MAGEC3: variants seen among roughly 807,000 people sequenced by gnomAD.
MAGEC3 encodes melanoma-associated antigen C3.
Under a neutral mutation model 35.3 loss-of-function variants are expected in MAGEC3, and 34 were observed. That is an observed-to-expected ratio of 0.96 (90% CI 0.73 to 1.28). MAGEC3 has a LOEUF of 1.28. Ranked by LOEUF, MAGEC3 falls within the 50% of genes most tolerant of loss-of-function variation. The pLI, the probability that MAGEC3 is intolerant of heterozygous loss-of-function variation, is 0.00. For missense variants in MAGEC3, 561 were observed against 483.6 expected, an observed-to-expected ratio of 1.16 and a Z score of -1.50; for synonymous variants, 202 against 185.6, an observed-to-expected ratio of 1.09 and a Z score of -0.72.
intron 4 of MAGEC3, among the ~76,000 whole-genome samples, chrX:141,891,798 C>A (rs1207847089): frequency 1.9e-5 from 2 of 106,815 alleles, no homozygotes; most frequent in African/African-American, 3.4e-5. Flanking sequence ...TGTAAATATG[C>A]CACTTGCCTT....
chrX:141,866,379 C>T (rs1391991345), intron 2 of MAGEC3, among the ~76,000 whole-genome samples: 1 of 111,796 alleles, frequency 8.9e-6, no homozygotes, highest in Non-Finnish European at 1.9e-5. Context: ...ATGTGGATGT[C>T]CAGTTGAACT....
chrX:141,877,974 T>C (rs1416176359), intron 2 of MAGEC3, among the ~76,000 whole-genome samples: 1 of 111,848 alleles, frequency 8.9e-6, no homozygotes. Flanking sequence ...CATACTTCAG[T>C]CACATTTTCT....
rs565639160 is a variant in MAGEC3, at chrX:141,881,005, G to A, written c.516-398G>A. ...GCCTGTGTTTTGAAATGTTCCTAGC[G>A]GCAACTTTGAGAAAGACTTCCAGAA... On this transcript the variant is annotated intron_variant, in intron 3 of 7. Transcript: ENST00000298296. The A allele has an allele frequency of 8.1e-5, 40 of 494,495 alleles. No individual in the cohort carries two copies. The South Asian group carries it at 1.2e-3, about 15-fold the overall frequency. 40.8% of individuals were successfully genotyped at this position (494,495 alleles called of 1,213,427 possible). A position where few individuals can be genotyped will look rare whatever the true frequency, so the allele number is the denominator to read the frequency against.
chrX:141,896,549 A>C (rs956970376), intron 6 of MAGEC3: 21 of 1,188,505 alleles, frequency 1.8e-5, no homozygotes, highest in Non-Finnish European at 2.4e-5. Flanking sequence ...TGAGTTTCTC[A>C]GCTGAAGCTA....
chrX:141,892,436 T>C (rs1010974289), intron 4 of MAGEC3, among the ~76,000 whole-genome samples: 7 of 111,699 alleles, frequency 6.3e-5, no homozygotes, highest in African/African-American at 2.0e-4. Flanking sequence ...CAAGTACATA[T>C]AATTACTTAT....
Position 141,897,450 on chromosome X carries a change from C to T in MAGEC3, c.1692C>T (p.Pro564=), listed in dbSNP as rs183587376. The change falls in exon 7 of 8, where the codon CCC becomes CCT. Residue 564 remains proline (P), a synonymous_variant. Coordinates refer to ENST00000298296, the MANE Select transcript of MAGEC3 (RefSeq NM_138702.1). ...SMIFIKGSCV[P]EEVIWEVLSA... ...TCTTCATAAAGGGCAGCTGTGTCCC[C>T]GAGGAGGTCATCTGGGAAGTGTTGA... is the stretch of plus-strand genomic sequence containing the variant. The T allele has an allele frequency of 1.3e-5, 16 of 1,207,901 alleles. No homozygotes were observed. Among genetic ancestry groups the T allele is most frequent in the Admixed American group, 4.4e-5 (2 of 45,659 alleles).
chrX:141,897,830 T>G lies in MAGEC3; in HGVS notation c.1930T>G (p.Ter644GlyextTer?), dbSNP rs1400604277. The change falls in exon 8 of 8, where the codon TGA (stop) becomes GGA (glycine). Residue 644 changes from the stop codon to glycine (G), a stop_lost. Transcript: ENST00000298296. ...CATGTCCACCAACTTCTGTCCTGAG[T>G]GATGTCTGAAGCAGATTCCCCCTCT... is the stretch of plus-strand genomic sequence containing the variant. The part of the protein sequence containing the change: ...SVMSTNFCPE[*>G] 1 of 1,187,670 alleles carries G rather than the reference T, an allele frequency of 8.4e-7. No individual in the cohort carries two copies. Among genetic ancestry groups the G allele is most frequent in the African/African-American group, 1.7e-5 (1 of 57,204 alleles).
chrX:141,845,165 C>T (rs2017708778), intron 1 of MAGEC3, among the ~76,000 whole-genome samples: 2 of 110,438 alleles, frequency 1.8e-5, no homozygotes, highest in South Asian at 7.5e-4. Flanking sequence ...GCAGTTAGTG[C>T]CAAGGACATT....
chrX:141,876,525 C>T (rs771665535), intron 2 of MAGEC3, among the ~76,000 whole-genome samples: 1 of 111,675 alleles, frequency 9.0e-6, no homozygotes, highest in Non-Finnish European at 1.9e-5. Flanking sequence ...TGACCAAAGA[C>T]CCCAGCCTCT....
At chrX:141,872,246 C>A (rs1569473913) in intron 2 of MAGEC3, among the ~76,000 whole-genome samples, 2 of 111,054 alleles carry the variant, frequency 1.8e-5, no homozygotes, top group East Asian at 5.7e-4. Flanking sequence ...TGTATTGGGG[C>A]CAAGCCATTT....
chrX:141,852,614 C>T (rs1406055093), intron 1 of MAGEC3, among the ~76,000 whole-genome samples: 1 of 110,301 alleles, frequency 9.1e-6, no homozygotes, highest in Non-Finnish European at 1.9e-5. Flanking sequence ...CTCTCTATTC[C>T]TAGTTTGTTG....
chrX:141,876,404 A>C (rs2017920480), intron 2 of MAGEC3, among the ~76,000 whole-genome samples: 1 of 111,638 alleles, frequency 9.0e-6, no homozygotes, highest in African/African-American at 3.3e-5. Flanking sequence ...TCAGGAAGCA[A>C]AGGTTCATGA....
At chrX:141,864,006 G>A (rs182486259) in intron 1 of MAGEC3, among the ~76,000 whole-genome samples, 7 of 111,741 alleles carry the variant, frequency 6.3e-5, no homozygotes, top group Non-Finnish European at 9.4e-5. Context: ...GACTACAAAG[G>A]TGAGGCATAG....
chrX:141,895,142 G>T (rs2018077119), intron 4 of MAGEC3, 127 bp from the exon 5 acceptor site: 1 of 786,227 alleles, frequency 1.3e-6, no homozygotes, highest in Non-Finnish European at 1.8e-6. Flanking sequence ...GGGTCGGGGG[G>T]CGCTGAGGAG....
intron 4 of MAGEC3, among the ~76,000 whole-genome samples, chrX:141,882,725 C>T (rs1177573599): frequency 8.9e-6 from 1 of 112,010 alleles, no homozygotes; most frequent in Non-Finnish European, 1.9e-5. Context: ...GCGGAGGGGA[C>T]TCTTAATAGT....
Position 141,891,080 on chromosome X carries a change from G to T in MAGEC3, c.910-4189G>T, listed in dbSNP as rs112707113. On this transcript the variant is annotated intron_variant, in intron 4 of 7. Coordinates refer to ENST00000298296, the MANE Select transcript of MAGEC3 (RefSeq NM_138702.1). ...GATGTTGACTGGTTTGAATTCTTCT[G>T]TGGGCTCTCTTTGGCTTGCAGATGG... Among the ~76,000 whole-genome samples the T allele has an allele frequency of 7.2e-3, 801 of 111,988 alleles. 8 individuals are homozygous for T. The highest frequency in any genetic ancestry group is 0.024 in the African/African-American group (746 of 30,811).
At chrX:141,887,986 C>T (rs1244577370) in intron 4 of MAGEC3, among the ~76,000 whole-genome samples, 1 of 112,221 alleles carries the variant, frequency 8.9e-6, no homozygotes, top group Non-Finnish European at 1.9e-5. Flanking sequence ...GAACTGGGTG[C>T]TTTCTGTCCC....
intron 2 of MAGEC3, among the ~76,000 whole-genome samples, chrX:141,872,295 G>A (rs192284398): frequency 5.4e-5 from 6 of 110,895 alleles, no homozygotes; most frequent in Admixed American, 1.9e-4. Flanking sequence ...TAGGGTCTCC[G>A]TAAACCAAGT....
At chrX:141,878,346 G>C (rs1401466612) in intron 2 of MAGEC3, among the ~76,000 whole-genome samples, 1 of 111,985 alleles carries the variant, frequency 8.9e-6, no homozygotes, top group African/African-American at 3.3e-5. Flanking sequence ...GCTTTATTCA[G>C]GGTAAAATTA....
Sources: allele counts gnomAD v4.1 joint callset (sites outside exome capture counted in the v4.1 genomes callset), GRCh38; gene constraint gnomAD v4.1.1; transcripts MANE v1.5; gene names NCBI Gene and HGNC (gene_info 2026-07-23, HGNC 2026-07-21).